Variants in MCC observed in about 807,000 individuals in gnomAD.
MCC encodes the protein MCC regulator of Wnt signaling pathway.
Under a neutral mutation model 116.2 loss-of-function variants are expected in MCC, and 90 were observed. That is an observed-to-expected ratio of 0.77 (90% confidence interval 0.65 to 0.92). MCC has a LOEUF of 0.92. Ranked by LOEUF, MCC falls within the 40% of genes least tolerant of loss-of-function variation. The probability of loss-of-function intolerance (pLI) is 0.00; values close to 1 mark genes in which losing one functional copy is unlikely to be tolerated. For synonymous variants in MCC, 578 were observed against 510.5 expected (o/e 1.13, Z -1.78); for missense variants, 1,516 against 1,312.2 (o/e 1.16, Z -2.40).
intron 3 of MCC, among the ~76,000 whole-genome samples, chr5:113,216,021 A>C (rs752737040): frequency 1.7e-4 from 26 of 152,214 alleles, no homozygotes; most frequent in Non-Finnish European, 2.9e-4. Flanking sequence ...TCCCTGTTCC[A>C]GAGGTCAGGA....
chr5:113,160,523 T>C (rs191271290), intron 3 of MCC, among the ~76,000 whole-genome samples: 4 of 152,340 alleles, frequency 2.6e-5, no homozygotes, highest in Admixed American at 2.0e-4. Flanking sequence ...GTTAAGTAAC[T>C]TGTCAAGCTA....
chr5:113,122,311 G>C (rs1757781666), intron 6 of MCC, among the ~76,000 whole-genome samples: 1 of 152,166 alleles, frequency 6.6e-6, no homozygotes. Context: ...AATCCAAGTA[G>C]TTGTTAAAAC....
chr5:113,426,761 C>A (rs761984897), intron 1 of MCC, among the ~76,000 whole-genome samples: 1 of 152,078 alleles, frequency 6.6e-6, no homozygotes, highest in Non-Finnish European at 1.5e-5. Context: ...TAAACACATG[C>A]CTAACCAATG....
chr5:113,254,032 G>A (rs1764909483), intron 3 of MCC, among the ~76,000 whole-genome samples: 1 of 152,100 alleles, frequency 6.6e-6, no homozygotes, highest in African/African-American at 2.4e-5. Flanking sequence ...AGAGCCCACA[G>A]GTGCTGAGCA....
chr5:113,219,885 C>T (rs1248010636), intron 3 of MCC, among the ~76,000 whole-genome samples: 1 of 151,814 alleles, frequency 6.6e-6, no homozygotes, highest in African/African-American at 2.4e-5. Flanking sequence ...TACCACACAC[C>T]CAACCAACTT....
intron 3 of MCC, among the ~76,000 whole-genome samples, chr5:113,274,424 A>G (rs1765736535): frequency 1.3e-5 from 2 of 152,206 alleles, no homozygotes; most frequent in African/African-American, 4.8e-5. Flanking sequence ...CAGAGGCACA[A>G]TCTTGGCTCA....
intron 3 of MCC, among the ~76,000 whole-genome samples, chr5:113,172,685 T>G (rs1443003289): frequency 2.0e-5 from 3 of 152,214 alleles, no homozygotes; most frequent in Admixed American, 6.5e-5. Context: ...AATTATAGAA[T>G]GTGTAACCAA....
At chr5:113,334,590 ATTTT>A (rs58288026) in intron 3 of MCC, among the ~76,000 whole-genome samples, 2 of 120,878 alleles carry the variant, frequency 1.7e-5, no homozygotes. Context: ...CTGATTTCTG[ATTTT>A]TTTTTTTTTT....
rs1770770022 is a variant in MCC at position 113,434,193 on chromosome 5, T to C, written c.171-48981A>G. The C allele has an allele frequency of 6.2e-7, 1 of 1,614,108 alleles. No individual in the cohort carries two copies. The highest frequency in any genetic ancestry group is 8.5e-7 in the Non-Finnish European group (1 of 1,179,976). On this transcript the variant is annotated intron_variant, in intron 1 of 18. Coordinates refer to ENST00000408903, the MANE Select transcript of MCC (RefSeq NM_001085377.2). The surrounding 1 kb of genome is among the most constrained non-coding windows in gnomAD (Gnocchi z 4.2). The stretch of plus-strand genomic sequence containing the variant: ...CATCTTCTTGATGTTGGAGTCGTCG[T>C]AGGGCATGGAGCCGCAGACCATGAT...
At chr5:113,108,331 TAAAAAAAAAAAAAAAA>T (rs56780207) in intron 6 of MCC, among the ~76,000 whole-genome samples, 7 of 42,768 alleles carry the variant, frequency 1.6e-4, no homozygotes, top group Admixed American at 3.9e-4. Flanking sequence ...CACTCTATCT[TAAAAAAAAAAAAAAAA>T]AAAAAAAAAA....
intron 1 of MCC, among the ~76,000 whole-genome samples, chr5:113,385,796 A>G (rs75027743): frequency 0.01 from 1,559 of 152,212 alleles, 31 homozygotes; most frequent in African/African-American, 0.034. Context: ...CCCACAAGCA[A>G]TCAGTGAGCC....
At chr5:113,234,932 CA>C (rs1764074284) in intron 3 of MCC, among the ~76,000 whole-genome samples, 2 of 152,118 alleles carry the variant, frequency 1.3e-5, no homozygotes, top group Admixed American at 1.3e-4. Flanking sequence ...AGGCTTGATC[CA>C]ATTAGGATTC....
At position 113,064,089 on chromosome 5, in the gene MCC, G is replaced by A. The variant is rs781419034; in HGVS notation, c.2108C>T (p.Ala703Val). ...GTCCAGCTTCATGAGCAGGGCCTTG[G>A]CAGCGTTCTCAGCTGTCTTCCGGCA... ...HDCRKTAENA[A>V]KALLMKLDGS... Residue 703 changes from alanine to valine, a missense_variant, in exon 14 of 19, where the codon GCC (alanine) becomes GTC (valine). Coordinates refer to ENST00000408903, the MANE Select transcript of MCC (RefSeq NM_001085377.2). The A allele has an allele frequency of 6.2e-7, 1 of 1,614,230 alleles. No homozygotes were observed. Among genetic ancestry groups the A allele is most frequent in the South Asian group, 1.1e-5 (1 of 91,084 alleles).
At chr5:113,388,012 C>G (rs1769311184) in intron 1 of MCC, among the ~76,000 whole-genome samples, 1 of 152,182 alleles carries the variant, frequency 6.6e-6, no homozygotes, top group East Asian at 1.9e-4. Flanking sequence ...ACCCTTCCTC[C>G]CTGCTGGCAG....
chr5:113,084,125 C>T lies in MCC; in HGVS notation c.1611G>A (p.Leu537=), dbSNP rs770823128. ...CCCCTATGCTACTGATTTCTGAGCC[C>T]AGGACTGGCCGATCAGATGATGACG... ...SESSSSDRPV[L]GSEISSIGVS... The change falls in exon 10 of 19, where the codon CTG becomes CTA. Residue 537 remains leucine (L), a synonymous_variant. Coordinates refer to ENST00000408903, the MANE Select transcript of MCC (RefSeq NM_001085377.2). 1.2e-6 allele frequency: 2 copies of T among 1,614,160 alleles called. No individual in the cohort carries two copies. The highest frequency in any genetic ancestry group is 1.7e-6 in the Non-Finnish European group (2 of 1,180,006).
chr5:113,160,075 C>T (rs1760397587), intron 3 of MCC, among the ~76,000 whole-genome samples: 1 of 152,164 alleles, frequency 6.6e-6, no homozygotes, highest in Admixed American at 6.5e-5. Flanking sequence ...TCCTTCAACA[C>T]CGCAGCAGTG....
intron 16 of MCC, among the ~76,000 whole-genome samples, chr5:113,044,899 G>A (rs930020983): frequency 3.3e-5 from 5 of 152,164 alleles, no homozygotes; most frequent in African/African-American, 9.7e-5. Context: ...TATAAGATAT[G>A]AGCTACAGAG....
intron 2 of MCC, among the ~76,000 whole-genome samples, chr5:113,349,299 A>G (rs1768210436): frequency 6.6e-6 from 1 of 152,136 alleles, no homozygotes; most frequent in Non-Finnish European, 1.5e-5. Context: ...AATCCTCAAC[A>G]AAATACTAGC....
At chr5:113,359,605 G>A (rs1768497604) in intron 2 of MCC, among the ~76,000 whole-genome samples, 1 of 152,210 alleles carries the variant, frequency 6.6e-6, no homozygotes, top group South Asian at 2.1e-4. Flanking sequence ...GCTGAGGCAA[G>A]CCTCTTTAAC....
Sources: gnomAD v4.1 joint callset for allele counts (sites outside exome capture counted in the v4.1 genomes callset) on GRCh38, gnomAD v4.1.1 for gene constraint, Gnocchi (gnomAD v3.1) non-coding constraint, MANE v1.5 for transcripts, NCBI Gene and HGNC (gene_info 2026-07-23, HGNC 2026-07-21) for gene names.